The following PPP1R16B variants were observed in gnomAD, a reference collection of about 807,000 sequenced individuals.
The protein encoded by PPP1R16B is protein phosphatase 1 regulatory inhibitor subunit 16B.
A neutral mutation model predicts 61.7 loss-of-function variants in PPP1R16B; 14 were observed. That is an observed-to-expected ratio of 0.23 (90% CI 0.15 to 0.35). The LOEUF is 0.35. PPP1R16B is among the 10% of genes least tolerant of loss of function. PPP1R16B has a pLI of 1.00. For missense variants in PPP1R16B, 547 were observed against 752.5 expected (o/e 0.73, Z 3.19); for synonymous variants, 266 against 305.3 (o/e 0.87, Z 1.34).
At position 38,907,098 on chromosome 20, in the gene PPP1R16B, C is replaced by T. The variant is rs760457785; in HGVS notation, c.898+44C>T. On this transcript the variant is annotated intron_variant, in intron 8 of 10. Coordinates refer to ENST00000299824, the MANE Select transcript of PPP1R16B (RefSeq NM_015568.4). This position sits in a 1 kb window ranked among gnomAD's most constrained non-coding sequence, Gnocchi z 4.5. ...CTGGTGTGCACAAATAGGCAGTTAT[C>T]AATGTTTTGATGGGTAGAGGGAGAA... 3 of 1,482,026 alleles carry T rather than the reference C, an allele frequency of 2.0e-6. No individual in the cohort carries two copies. Among genetic ancestry groups the T allele is most frequent in the Middle Eastern group, 1.7e-4 (1 of 5,802 alleles). 91.8% of individuals were successfully genotyped at this position (1,482,026 alleles called of 1,614,324 possible). A position where few individuals can be genotyped will look rare whatever the true frequency, so the allele number is the denominator to read the frequency against.
At chr20:38,878,260 C>T (rs1051480275) in intron 2 of PPP1R16B, among the ~76,000 whole-genome samples, 1 of 152,014 alleles carries the variant, frequency 6.6e-6, no homozygotes. Context: ...TGTTCATGTC[C>T]TATGTAATAC....
At chr20:38,887,768 T>C (rs2085256810) in intron 2 of PPP1R16B, among the ~76,000 whole-genome samples, 1 of 152,236 alleles carries the variant, frequency 6.6e-6, no homozygotes, top group Non-Finnish European at 1.5e-5. Flanking sequence ...GCTTAACCCA[T>C]ACTGGCTATG....
At chr20:38,896,263 T>G (rs944080671) in intron 4 of PPP1R16B, among the ~76,000 whole-genome samples, 4 of 142,214 alleles carry the variant, frequency 2.8e-5, no homozygotes, top group Non-Finnish European at 6.1e-5. Flanking sequence ...CCTCCCTTCC[T>G]TTCTTCTTTC....
At chr20:38,869,559 A>G (rs1454461209) in intron 2 of PPP1R16B, among the ~76,000 whole-genome samples, 1 of 152,180 alleles carries the variant, frequency 6.6e-6, no homozygotes, top group Non-Finnish European at 1.5e-5. Flanking sequence ...GTTTCTCCAC[A>G]TGCTTATCAA....
rs1414400963 is a variant in PPP1R16B, at chr20:38,918,226, A to T, written c.1264A>T (p.Met422Leu). The change falls in exon 11 of 11, where the codon ATG becomes TTG. Residue 422 changes from methionine to leucine, a missense_variant. Transcript: ENST00000299824. This position sits in a 1 kb window ranked among gnomAD's most constrained non-coding sequence, Gnocchi z 5.3. The part of the protein sequence containing the change: ...PTKIPRGELD[M>L]PVENGLRAPV... ...CAAGATCCCACGAGGTGAACTGGAC[A>T]TGCCTGTTGAGAATGGCCTCCGGGC... The T allele has an allele frequency of 6.2e-7, 1 of 1,614,138 alleles. No individual in the cohort carries two copies. The highest frequency in any genetic ancestry group is 1.3e-5 in the African/African-American group (1 of 74,940).
At position 38,881,045 on chromosome 20, in the gene PPP1R16B, T is replaced by A. The variant is rs376781146; in HGVS notation, c.251-8550T>A. Among the ~76,000 whole-genome samples the A allele has an allele frequency of 3.0e-3, 451 of 152,288 alleles. 1 individual carries two copies. Among genetic ancestry groups the A allele is most frequent in the South Asian group, 9.5e-3 (46 of 4,820 alleles). On this transcript the variant is annotated intron_variant, in intron 2 of 10. Transcript: ENST00000299824. Reference sequence around the variant, plus strand: ...TGGGGAAGAGCAAGGGGCTGGCTCCTGGGACCTGAGGCTTGGTCCTGGGGA... The same window carrying A: ...TGGGGAAGAGCAAGGGGCTGGCTCCAGGGACCTGAGGCTTGGTCCTGGGGA...
At chr20:38,876,325 T>C (rs1161811181) in intron 2 of PPP1R16B, among the ~76,000 whole-genome samples, 1 of 152,172 alleles carries the variant, frequency 6.6e-6, no homozygotes, top group Non-Finnish European at 1.5e-5. Context: ...CAGCAAAGTT[T>C]TTCTGCAAAG....
At chr20:38,847,186 G>C (rs961638991) in intron 2 of PPP1R16B, among the ~76,000 whole-genome samples, 1 of 152,056 alleles carries the variant, frequency 6.6e-6, no homozygotes, top group Non-Finnish European at 1.5e-5. Flanking sequence ...ATCACTACCT[G>C]CCACATCAAT....
At position 38,819,330 on chromosome 20, in the gene PPP1R16B, C is replaced by T. The variant is rs541405250; in HGVS notation, c.-102+13538C>T. ...TAGCTCTAGGAATGCAGTGAGTGTT[C>T]AGTAAAAGTTGATAATTGTGATAAA... is the stretch of plus-strand genomic sequence containing the variant. On this transcript the variant is annotated intron_variant, in intron 1 of 10. Transcript: ENST00000299824. 3.9e-5 allele frequency among the ~76,000 whole-genome samples: 6 copies of T among 152,096 alleles called. No homozygotes were observed. In the South Asian group the frequency reaches 1.0e-3, roughly 26 times the overall value.
chr20:38,820,226 G>T (rs2145708645), intron 1 of PPP1R16B, among the ~76,000 whole-genome samples: 1 of 152,318 alleles, frequency 6.6e-6, no homozygotes, highest in Non-Finnish European at 1.5e-5. Context: ...TAGAAATAGT[G>T]CAATTAACAT....
chr20:38,839,354 C>T (rs1490682701), intron 2 of PPP1R16B, among the ~76,000 whole-genome samples: 2 of 152,182 alleles, frequency 1.3e-5, no homozygotes, highest in African/African-American at 2.4e-5. Flanking sequence ...ACGGTGATAA[C>T]GCACTTTATT....
At chr20:38,886,508 A>C (rs572318179) in intron 2 of PPP1R16B, among the ~76,000 whole-genome samples, 2 of 152,230 alleles carry the variant, frequency 1.3e-5, no homozygotes, top group South Asian at 4.1e-4. Context: ...CCAGAAACCC[A>C]TCCTAGTCAG....
chr20:38,914,919 C>T (rs868151418), intron 10 of PPP1R16B, among the ~76,000 whole-genome samples: 1 of 152,156 alleles, frequency 6.6e-6, no homozygotes. Flanking sequence ...CCTCCCACCT[C>T]AGCCTACCAA....
chr20:38,820,784 G>A (rs6071597), intron 1 of PPP1R16B, among the ~76,000 whole-genome samples: 2 of 151,974 alleles, frequency 1.3e-5, no homozygotes, highest in African/African-American at 4.8e-5. Flanking sequence ...TGTAATCCCA[G>A]CATTTTGGGA....
At chr20:38,834,112 T>A (rs985026426) in intron 1 of PPP1R16B, among the ~76,000 whole-genome samples, 1 of 152,168 alleles carries the variant, frequency 6.6e-6, no homozygotes, top group Non-Finnish European at 1.5e-5. Context: ...CTACCATTCC[T>A]CCTCCAAGCT....
Position 38,839,350 on chromosome 20 carries a change from A to G in PPP1R16B, c.250+3175A>G, listed in dbSNP as rs376305059. On this transcript the variant is annotated intron_variant, in intron 2 of 10. Coordinates refer to ENST00000299824, the MANE Select transcript of PPP1R16B (RefSeq NM_015568.4). ...CCCTGAGACCTGTACCAGCACGGTG[A>G]TAACGCACTTTATTTTGTTTTGTTT... Among the ~76,000 whole-genome samples, 17 of 152,370 alleles carry G rather than the reference A, an allele frequency of 1.1e-4. 1 individual carries two copies. The highest frequency in any genetic ancestry group is 3.8e-4 in the African/African-American group (16 of 41,594).
intron 2 of PPP1R16B, among the ~76,000 whole-genome samples, chr20:38,866,179 G>T (rs1417827159): frequency 1.3e-5 from 2 of 152,040 alleles, no homozygotes; most frequent in Non-Finnish European, 2.9e-5. Context: ...CGAGAGGTTT[G>T]ATTTCTGCTT....
At chr20:38,884,674 G>A (rs747152251) in intron 2 of PPP1R16B, among the ~76,000 whole-genome samples, 11 of 152,182 alleles carry the variant, frequency 7.2e-5, no homozygotes, top group Non-Finnish European at 1.5e-4. Context: ...GGTTGTGCGT[G>A]CGCCTGGAGT....
At chr20:38,905,835 G>A in intron 6 of PPP1R16B, 134 bp from the exon 7 acceptor site, 1 of 877,920 alleles carries the variant, frequency 1.1e-6, no homozygotes, top group Non-Finnish European at 1.7e-6. Context: ...CAATGTGACT[G>A]GTATTTCCAT....
Sources: allele counts gnomAD v4.1 joint callset (sites outside exome capture counted in the v4.1 genomes callset), GRCh38; gene constraint gnomAD v4.1.1; non-coding constraint Gnocchi (gnomAD v3.1); transcripts MANE v1.5; gene names NCBI Gene and HGNC (gene_info 2026-07-23, HGNC 2026-07-21).